AGBL1: variants seen among roughly 807,000 people sequenced by gnomAD.
AGBL1 encodes cytosolic carboxypeptidase 4.
AGBL1 carries 130 observed loss-of-function variants against 118.9 expected under a neutral mutation model. The ratio of observed to expected loss-of-function variants is 1.09; its 90% CI spans 0.95 to 1.26. The LOEUF (loss-of-function observed/expected upper bound fraction) is 1.26, where lower values mean the gene tolerates loss of function less well. Among genes scored for constraint, AGBL1 ranks in the 50% most tolerant of loss-of-function variants. The pLI is 0.00. For missense variants in AGBL1, 1,584 were observed against 1,298.1 expected, an observed-to-expected ratio of 1.22 and a Z score of -3.38; for synonymous variants, 555 against 478.9, an observed-to-expected ratio of 1.16 and a Z score of -2.08.
chr15:86,752,255 A>G (rs551546899), intron 22 of AGBL1, among the ~76,000 whole-genome samples: 2 of 152,084 alleles, frequency 1.3e-5, no homozygotes, highest in East Asian at 1.9e-4. Context: ...GTCCCTCCCA[A>G]CTGATATATT....
chr15:86,181,473 T>C (rs1413354790), intron 5 of AGBL1, among the ~76,000 whole-genome samples: 1 of 152,020 alleles, frequency 6.6e-6, no homozygotes, highest in East Asian at 1.9e-4. Flanking sequence ...TAAACTATGG[T>C]GAGAAAAGGA....
At chr15:86,165,122 A>G (rs1157671255) in intron 5 of AGBL1, among the ~76,000 whole-genome samples, 1 of 152,134 alleles carries the variant, frequency 6.6e-6, no homozygotes, top group African/African-American at 2.4e-5. Flanking sequence ...GGAGATGGAT[A>G]TGTTTGGTCT....
chr15:86,928,003 A>C (rs1175865944), intron 23 of AGBL1, among the ~76,000 whole-genome samples: 2 of 152,170 alleles, frequency 1.3e-5, no homozygotes, highest in African/African-American at 4.8e-5. Flanking sequence ...TGAGTCTTGC[A>C]CTTAAAATGT....
intron 21 of AGBL1, among the ~76,000 whole-genome samples, chr15:86,629,939 A>C (rs909375299): frequency 1.3e-5 from 2 of 152,248 alleles, no homozygotes; most frequent in African/African-American, 4.8e-5. Context: ...AGAACTAATT[A>C]GCATTACATT....
intron 22 of AGBL1, among the ~76,000 whole-genome samples, chr15:86,830,116 G>C (rs1469940216): frequency 6.6e-6 from 1 of 151,998 alleles, no homozygotes; most frequent in Non-Finnish European, 1.5e-5. Flanking sequence ...TATTATTAAT[G>C]TATTTTTAAA....
At chr15:86,854,114 A>C (rs1442498280) in intron 22 of AGBL1, among the ~76,000 whole-genome samples, 1 of 151,998 alleles carries the variant, frequency 6.6e-6, no homozygotes, top group African/African-American at 2.4e-5. Context: ...CCTCCTCTGC[A>C]TTTTCCCTCT....
intron 5 of AGBL1, among the ~76,000 whole-genome samples, chr15:86,193,672 G>T (rs12439448): frequency 0.18 from 27,394 of 152,112 alleles, 2,834 homozygotes; most frequent in Non-Finnish European, 0.23. Context: ...ACAAGGGATC[G>T]TGTTTCTTAA....
Position 86,256,779 on chromosome 15 carries a change from G to A in AGBL1, c.736-74G>A, listed in dbSNP as rs970650190. 46 of 1,475,350 alleles carry A rather than the reference G, an allele frequency of 3.1e-5. 1 individual carries two copies. In the South Asian group the frequency reaches 4.5e-4, roughly 14 times the overall value. The allele number at this position is 1,475,350 out of a possible 1,614,324, so 91.4% of individuals were successfully genotyped here. A position where few individuals can be genotyped will look rare whatever the true frequency, so the allele number is the denominator to read the frequency against. On this transcript the variant is annotated intron_variant, in intron 7 of 22. Coordinates refer to ENST00000614907, the MANE Select transcript of AGBL1 (RefSeq NM_001386094.1). ...ACTGTGCTGTGTTACAGCTTGGAGA[G>A]TGTTATTAGCTGTGTTACAGCTAGG...
chr15:86,675,552 C>G (rs1164525078), intron 22 of AGBL1, among the ~76,000 whole-genome samples: 1 of 152,122 alleles, frequency 6.6e-6, no homozygotes, highest in Non-Finnish European at 1.5e-5. Flanking sequence ...GCTGCCGTTG[C>G]TGATTTATTT....
At chr15:86,207,399 G>A (rs532127912) in intron 5 of AGBL1, among the ~76,000 whole-genome samples, 2 of 152,212 alleles carry the variant, frequency 1.3e-5, no homozygotes, top group South Asian at 2.1e-4. Flanking sequence ...AAATTACCTT[G>A]GGCAGTATAG....
chr15:86,190,909 A>G (rs1485822000), intron 5 of AGBL1, among the ~76,000 whole-genome samples: 2 of 152,208 alleles, frequency 1.3e-5, no homozygotes, highest in African/African-American at 4.8e-5. Context: ...ATTACCCAAG[A>G]AACAAATGCA....
At chr15:86,248,737 A>G (rs754284343) in intron 7 of AGBL1, among the ~76,000 whole-genome samples, 2 of 152,232 alleles carry the variant, frequency 1.3e-5, no homozygotes, top group Non-Finnish European at 2.9e-5. Context: ...ACCTCCTAGC[A>G]GAAGAGTGAG....
chr15:86,641,191 A>C (rs1390476608), intron 21 of AGBL1, among the ~76,000 whole-genome samples: 2 of 152,034 alleles, frequency 1.3e-5, no homozygotes, highest in Non-Finnish European at 2.9e-5. Context: ...TGACATGTAA[A>C]TATATTAATT....
At chr15:86,824,264 A>G (rs2141394889) in intron 22 of AGBL1, among the ~76,000 whole-genome samples, 1 of 152,012 alleles carries the variant, frequency 6.6e-6, no homozygotes, top group African/African-American at 2.4e-5. Context: ...AGATCAATAC[A>G]CAAAAACCAA....
intron 23 of AGBL1, among the ~76,000 whole-genome samples, chr15:86,938,297 C>T (rs535023577): frequency 2.0e-5 from 3 of 152,250 alleles, no homozygotes; most frequent in South Asian, 4.1e-4. Context: ...TTATAGTCTT[C>T]CCATCTTGCA....
At chr15:86,411,316 G>C (rs1177278211) in intron 18 of AGBL1, among the ~76,000 whole-genome samples, 10 of 152,034 alleles carry the variant, frequency 6.6e-5, no homozygotes, top group Non-Finnish European at 1.5e-4. Flanking sequence ...CAGAAGCCCA[G>C]TTTCCTAGAA....
intron 21 of AGBL1, among the ~76,000 whole-genome samples, chr15:86,586,331 T>A (rs2084247422): frequency 6.6e-6 from 1 of 152,154 alleles, no homozygotes. Flanking sequence ...TTGGAGTGGC[T>A]TTTATAATAA....
intron 21 of AGBL1, among the ~76,000 whole-genome samples, chr15:86,591,055 G>A (rs566335089): frequency 9.9e-5 from 15 of 152,116 alleles, no homozygotes; most frequent in South Asian, 2.1e-4. Context: ...AGTTTAGTTC[G>A]CTCTCTAGTT....
intron 18 of AGBL1, among the ~76,000 whole-genome samples, chr15:86,429,330 T>C (rs977617257): frequency 4.6e-5 from 7 of 152,228 alleles, no homozygotes; most frequent in African/African-American, 1.7e-4. Context: ...ATGGGCCTAT[T>C]CTACCGCATT....
Sources: allele counts gnomAD v4.1 joint callset (sites outside exome capture counted in the v4.1 genomes callset), GRCh38; gene constraint gnomAD v4.1.1; transcripts MANE v1.5; gene names NCBI Gene and HGNC (gene_info 2026-07-23, HGNC 2026-07-21).